CNOT10: variants seen among roughly 807,000 people sequenced by gnomAD.
CNOT10 encodes the protein CCR4-NOT transcription complex, subunit 10.
A neutral mutation model predicts 94.6 loss-of-function variants in CNOT10; 30 were observed. That is an observed-to-expected ratio of 0.32 (90% CI 0.24 to 0.43). The LOEUF (loss-of-function observed/expected upper bound fraction) is 0.43, where lower values mean the gene tolerates loss of function less well. CNOT10 is among the 20% of genes least tolerant of loss of function. CNOT10 has a pLI of 1.00. For missense variants in CNOT10, 759 were observed against 877.2 expected (o/e 0.87, Z 1.70); for synonymous variants, 289 against 301.6 (o/e 0.96, Z 0.43).
chr3:32,743,946 A>G (rs957460605), intron 13 of CNOT10, among the ~76,000 whole-genome samples: 1 of 152,142 alleles, frequency 6.6e-6, no homozygotes, highest in African/African-American at 2.4e-5. Flanking sequence ...TAGTATATAT[A>G]TATTTTTTTC....
At chr3:32,756,589 T>C (rs1417659693) in intron 13 of CNOT10, among the ~76,000 whole-genome samples, 5 of 152,116 alleles carry the variant, frequency 3.3e-5, no homozygotes, top group Admixed American at 3.3e-4. Context: ...TTGTGGGAGC[T>C]GGAAAAGAGT....
chr3:32,762,850 T>G lies in CNOT10; in HGVS notation c.1827T>G (p.Asn609Lys). 6.4e-7 allele frequency: 1 copy of G among 1,551,572 alleles called. No individual in the cohort carries two copies. The change falls in exon 15 of 19, where the codon AAT (asparagine) becomes AAG (lysine). Residue 609 changes from asparagine to lysine, a missense_variant. By Grantham distance (94) the Asn-to-Lys change is moderately conservative (BLOSUM62 0). Coordinates refer to ENST00000328834, the MANE Select transcript of CNOT10 (RefSeq NM_015442.3). ...ATGTCTCCTTAGGGATCTCTTCAAA[T>G]GAGCAGGACCAAGGTTAATGAGGAC... ...VTDVSLGISS[N>K]EQDQGSDKGE...
At position 32,759,512 on chromosome 3, in the gene CNOT10, C is replaced by T. The variant is rs373721049; in HGVS notation, c.1650C>T (p.Leu550=). ...AYVALALGDN[L]MALNHADKLL... is the part of the protein sequence containing the mutation. Reference sequence around the variant, plus strand: ...TGGCTCTGGCTTTGGGTGATAACCTCATGGCTTTGAATCATGCAGATAAAC... The same window carrying T: ...TGGCTCTGGCTTTGGGTGATAACCTTATGGCTTTGAATCATGCAGATAAAC... Residue 550 remains leucine (L), a synonymous_variant, in exon 14 of 19, where the codon CTC becomes CTT. Coordinates refer to ENST00000328834, the MANE Select transcript of CNOT10 (RefSeq NM_015442.3). 29 of 1,614,006 alleles carry T rather than the reference C, an allele frequency of 1.8e-5. No homozygotes were observed. The African/African-American group carries it at 3.9e-4, about 22-fold the overall frequency.
chr3:32,724,733 G>A (rs566423203), intron 8 of CNOT10, among the ~76,000 whole-genome samples: 448 of 151,740 alleles, frequency 3.0e-3, no homozygotes, highest in Non-Finnish European at 5.2e-3. Flanking sequence ...TAATTTTTGT[G>A]TTTTTAGTGG....
chr3:32,764,837 C>T, intron 17 of CNOT10, 28 bp downstream of exon 17: 3 of 1,607,304 alleles, frequency 1.9e-6, no homozygotes, highest in South Asian at 2.2e-5. Context: ...GGAACTGAAC[C>T]TTGTAAAGCA....
At chr3:32,732,001 C>T (rs1420486060) in intron 10 of CNOT10, among the ~76,000 whole-genome samples, 1 of 152,036 alleles carries the variant, frequency 6.6e-6, no homozygotes, top group African/African-American at 2.4e-5. Context: ...ATTGCTTGAA[C>T]CTGGGAGGCG....
intron 8 of CNOT10, among the ~76,000 whole-genome samples, chr3:32,721,647 CTT>C (rs746767255): frequency 1.7e-4 from 23 of 131,568 alleles, no homozygotes; most frequent in Non-Finnish European, 2.0e-4. Flanking sequence ...ATTACATATT[CTT>C]TTTTTTTTTT....
At chr3:32,756,380 T>G (rs536999080) in intron 13 of CNOT10, among the ~76,000 whole-genome samples, 5 of 152,356 alleles carry the variant, frequency 3.3e-5, no homozygotes, top group Admixed American at 1.3e-4. Flanking sequence ...AATTATAGTT[T>G]GGGCTTCCTG....
At chr3:32,691,239 G>T (rs1476543654) in intron 1 of CNOT10, among the ~76,000 whole-genome samples, 3 of 148,962 alleles carry the variant, frequency 2.0e-5, no homozygotes, top group African/African-American at 7.4e-5. Context: ...TCGGCTCAGT[G>T]CAACCTCTGT....
In CNOT10 at chr3:32,773,679, A is replaced by G; in HGVS notation, c.*68A>G. The G allele has an allele frequency of 1.4e-6, 2 of 1,455,318 alleles. No homozygotes were observed. Among genetic ancestry groups the G allele is most frequent in the Non-Finnish European group, 1.9e-6 (2 of 1,079,552 alleles). The allele number at this position is 1,455,318 out of a possible 1,614,324, so 90.2% of individuals were successfully genotyped here. A position where few individuals can be genotyped will look rare whatever the true frequency, so the allele number is the denominator to read the frequency against. On this transcript the variant is annotated 3_prime_UTR_variant, in exon 19 of 19. Transcript: ENST00000328834. ...ATTTACTGGCCATTTTAGTTGTATC[A>G]CAGCAGAATGAATAAAAGATGGTGA...
rs1575281728 is a variant in CNOT10, at chr3:32,747,187, A to G, written c.1595+9697A>G. On this transcript the variant is annotated intron_variant, in intron 13 of 18. Transcript: ENST00000328834. ...TCCCAGCACTTTGGGAGGCCAAGGC[A>G]GGTGGATCACCTGAGGTCAAGAGTT... is the stretch of plus-strand genomic sequence containing the variant. 4.6e-5 allele frequency among the ~76,000 whole-genome samples: 7 copies of G among 152,018 alleles called. No individual in the cohort carries two copies. In the South Asian group the frequency reaches 1.5e-3, roughly 32 times the overall value.
At chr3:32,729,524 C>T (rs1037779824) in intron 10 of CNOT10, among the ~76,000 whole-genome samples, 72 of 152,052 alleles carry the variant, frequency 4.7e-4, no homozygotes, top group Middle Eastern at 3.2e-3. Context: ...GGCTCTCCTC[C>T]CGCTGAACAG....
intron 1 of CNOT10, among the ~76,000 whole-genome samples, chr3:32,690,295 C>T (rs1215056489): frequency 6.6e-6 from 1 of 152,082 alleles, no homozygotes; most frequent in African/African-American, 2.4e-5. Flanking sequence ...AGCTTTCCTG[C>T]GTGTAGAATG....
At chr3:32,740,438 G>A (rs949195732) in intron 13 of CNOT10, among the ~76,000 whole-genome samples, 2 of 152,118 alleles carry the variant, frequency 1.3e-5, no homozygotes, top group African/African-American at 4.8e-5. Flanking sequence ...CTAGACAACA[G>A]ACTCTGTCTC....
chr3:32,750,436 G>C (rs1474326549), intron 13 of CNOT10, among the ~76,000 whole-genome samples: 2 of 152,076 alleles, frequency 1.3e-5, no homozygotes, highest in Non-Finnish European at 2.9e-5. Flanking sequence ...AAGTTGCAGT[G>C]AGCCAAGATC....
intron 13 of CNOT10, among the ~76,000 whole-genome samples, chr3:32,740,591 G>C (rs566043874): frequency 2.0e-5 from 3 of 151,616 alleles, no homozygotes; most frequent in Non-Finnish European, 4.4e-5. Context: ...GGCTGGGCGC[G>C]GTGGCTCATG....
chr3:32,704,949 A>C lies in CNOT10; in HGVS notation c.256A>C (p.Thr86Pro). The C allele has an allele frequency of 6.5e-7, 1 of 1,540,938 alleles. No individual in the cohort carries two copies. Among genetic ancestry groups the C allele is most frequent in the Non-Finnish European group, 8.6e-7 (1 of 1,156,154 alleles). Residue 86 changes from threonine (T) to proline (P), a missense_variant, in exon 3 of 19, where the codon ACA becomes CCA. Thr to Pro is a conservative substitution (Grantham distance 38). Transcript: ENST00000328834. ...AACAACAACAGATAATTTGAGACAA[A>C]CACTTAACCAGCTGAAGAATCAGGT... is the stretch of plus-strand genomic sequence containing the variant. ...NQTTTDNLRQ[T>P]LNQLKNQVHS...
intron 13 of CNOT10, among the ~76,000 whole-genome samples, chr3:32,750,679 G>A (rs1359583146): frequency 1.3e-5 from 2 of 151,752 alleles, no homozygotes; most frequent in Non-Finnish European, 2.9e-5. Flanking sequence ...AGCCTCCTGA[G>A]TAGCTGGGAT....
At chr3:32,753,638 C>A in intron 13 of CNOT10, 1 of 1,565,868 alleles carries the variant, frequency 6.4e-7, no homozygotes, top group Non-Finnish European at 8.8e-7. Context: ...CACCTACATC[C>A]ATCATCATCT....
Sources: allele counts gnomAD v4.1 joint callset (sites outside exome capture counted in the v4.1 genomes callset), GRCh38; gene constraint gnomAD v4.1.1; transcripts MANE v1.5; gene names NCBI Gene and HGNC (gene_info 2026-07-23, HGNC 2026-07-21).